Variants in ARHGAP8 observed in about 807,000 individuals in gnomAD.
The protein encoded by ARHGAP8 is Rho GTPase activating protein 8, also known as rho GTPase-activating protein 8.
In ARHGAP8, 62 loss-of-function variants were observed where a neutral mutation model predicts 46.1. The observed-to-expected ratio is 1.34, with a 90% CI of 1.10 to 1.66. The LOEUF (loss-of-function observed/expected upper bound fraction) is 1.66. ARHGAP8 is among the 40% of genes most tolerant of loss of function. The probability of loss-of-function intolerance (pLI) is 0.00; values close to 1 mark genes in which losing one functional copy is unlikely to be tolerated. For synonymous variants in ARHGAP8, 375 were observed against 243.1 expected (o/e 1.54, Z -5.05); for missense variants, 923 against 568.4 (o/e 1.62, Z -6.34).
At chr22:44,820,201 G>C (rs945674621) in intron 5 of ARHGAP8, among the ~76,000 whole-genome samples, 39 of 152,222 alleles carry the variant, frequency 2.6e-4, no homozygotes. Flanking sequence ...GAGCTGGCCT[G>C]TGGGCCCTTT....
intron 4 of ARHGAP8, chr22:44,809,583 G>T: frequency 5.0e-6 from 1 of 199,574 alleles, no homozygotes; most frequent in Non-Finnish European, 1.0e-5. Flanking sequence ...CAGCTTGTGT[G>T]TGGTAGGGCA....
chr22:44,857,715 G>A (rs1046805926), intron 10 of ARHGAP8, among the ~76,000 whole-genome samples: 6 of 152,182 alleles, frequency 3.9e-5, no homozygotes, highest in African/African-American at 1.4e-4. Flanking sequence ...CTCCAGAGGA[G>A]AAAGGGGAGG....
chr22:44,798,143 A>T (rs867447986), intron 2 of ARHGAP8, among the ~76,000 whole-genome samples: 1 of 151,170 alleles, frequency 6.6e-6, no homozygotes, highest in Non-Finnish European at 1.5e-5. Context: ...CACCCAGCTA[A>T]TTTTTTATTT....
chr22:44,805,300 GGAGT>G (rs1928850647), intron 3 of ARHGAP8, among the ~76,000 whole-genome samples: 1 of 152,332 alleles, frequency 6.6e-6, no homozygotes, highest in South Asian at 2.1e-4. Context: ...CCGGGTACCG[GGAGT>G]GTGATGGGGA....
intron 4 of ARHGAP8, chr22:44,809,225 G>A (rs1307611008): frequency 4.3e-6 from 2 of 461,574 alleles, no homozygotes. Context: ...AAACATTATG[G>A]ACGCTGAAAT....
At chr22:44,776,797 C>T (rs944015510) in intron 1 of ARHGAP8, among the ~76,000 whole-genome samples, 9 of 152,090 alleles carry the variant, frequency 5.9e-5, no homozygotes, top group African/African-American at 1.7e-4. Context: ...GGCCTGGTGG[C>T]GGGGGTAGGG....
intron 7 of ARHGAP8, among the ~76,000 whole-genome samples, chr22:44,828,817 G>A (rs921252059): frequency 7.2e-5 from 11 of 152,032 alleles, no homozygotes; most frequent in Non-Finnish European, 1.5e-4. Flanking sequence ...TCTCCAGCCC[G>A]TTACTGGGGC....
At chr22:44,783,946 C>A (rs1020506983) in intron 1 of ARHGAP8, among the ~76,000 whole-genome samples, 14 of 152,134 alleles carry the variant, frequency 9.2e-5, no homozygotes, top group Non-Finnish European at 1.8e-4. Flanking sequence ...CTTGTAAGGA[C>A]CCCCTGCAAT....
chr22:44,821,168 A>C (rs1374781342), intron 5 of ARHGAP8, among the ~76,000 whole-genome samples: 1 of 152,216 alleles, frequency 6.6e-6, no homozygotes, highest in Admixed American at 6.5e-5. Context: ...ACGGTGGCTC[A>C]TGCCTGTAAT....
intron 11 of ARHGAP8, 21 bp from the exon 12 acceptor site, chr22:44,862,254 C>CTTGT: frequency 1.3e-6 from 2 of 1,562,902 alleles, no homozygotes; most frequent in Non-Finnish European, 1.7e-6. Context: ...CTCCCCTTTA[C>CTTGT]TTGTGTGTGG....
chr22:44,847,101 A>T (rs887382952), intron 8 of ARHGAP8, among the ~76,000 whole-genome samples: 3 of 152,264 alleles, frequency 2.0e-5, no homozygotes, highest in Middle Eastern at 6.8e-3. Context: ...GCACCTCCAG[A>T]TGCCTGCGCC....
intron 5 of ARHGAP8, among the ~76,000 whole-genome samples, chr22:44,821,351 C>T (rs1367976347): frequency 6.6e-6 from 1 of 151,918 alleles, no homozygotes; most frequent in African/African-American, 2.4e-5. Context: ...ATCACTTGAA[C>T]CCAGGAGGCG....
chr22:44,814,536 G>A (rs1408457013), intron 4 of ARHGAP8, 136 bp from the exon 5 acceptor site: 12 of 715,940 alleles, frequency 1.7e-5, no homozygotes, highest in Middle Eastern at 2.4e-4. Flanking sequence ...TTCTTTGTTT[G>A]ATGTCCTTAA....
At chr22:44,830,291 T>C (rs953054906) in intron 7 of ARHGAP8, among the ~76,000 whole-genome samples, 26 of 152,052 alleles carry the variant, frequency 1.7e-4, no homozygotes, top group Non-Finnish European at 3.8e-4. Flanking sequence ...CCCAAAGTGC[T>C]GTGATTACAG....
chr22:44,851,411 ATTTATTTATTTAATTT>A (rs2070090607), intron 10 of ARHGAP8, among the ~76,000 whole-genome samples: 1 of 151,950 alleles, frequency 6.6e-6, no homozygotes, highest in South Asian at 2.1e-4. Context: ...TTATTTATTT[ATTTATTTATTTAATTT>A]TTGAGACAGT....
chr22:44,808,375 T>C lies in ARHGAP8; in HGVS notation c.236T>C (p.Leu79Pro). ...DYTIVYFHYG[L>P]NSRNKPSLGW... ...ACCATCGTCTATTTCCACTACGGGC[T>C]GAACAGCCGGAACAAGCCTTCCCTG... Residue 79 changes from leucine (L) to proline (P), a missense_variant, in exon 4 of 12, where the codon CTG becomes CCG. Leu to Pro is a moderately conservative substitution (Grantham distance 98). Coordinates refer to ENST00000356099, the MANE Select transcript of ARHGAP8 (RefSeq NM_181335.3). 1 of 1,614,270 alleles carries C rather than the reference T, an allele frequency of 6.2e-7. No homozygotes were observed. The highest frequency in any genetic ancestry group is 2.2e-5 in the East Asian group (1 of 44,888).
At chr22:44,835,197 T>C (rs1931199785) in intron 7 of ARHGAP8, among the ~76,000 whole-genome samples, 1 of 151,282 alleles carries the variant, frequency 6.6e-6, no homozygotes, top group South Asian at 2.1e-4. Flanking sequence ...ATACATACTT[T>C]CTAGTGTACT....
rs750814627 is a variant in ARHGAP8, at chr22:44,862,418, G to A, written c.1125G>A (p.Glu375=). The A allele has an allele frequency of 6.2e-6, 10 of 1,614,126 alleles. No individual in the cohort carries two copies. The highest frequency in any genetic ancestry group is 1.1e-5 in the South Asian group (1 of 91,076). ...PLNMFTELLI[E]YYEKIFSTPE... is the part of the protein sequence containing the mutation. ...ACATGTTCACTGAACTGCTGATCGA[G>A]TACTATGAAAAGATCTTCAGCACCC... The change falls in exon 12 of 12, where the codon GAG becomes GAA. Residue 375 remains glutamate (E), a synonymous_variant. Coordinates refer to ENST00000356099, the MANE Select transcript of ARHGAP8 (RefSeq NM_181335.3).
rs562585206 is a variant in ARHGAP8 at position 44,806,736 on chromosome 22, C to T, written c.168-1571C>T. ...TTGGGAGGCCGAGGCGGGTGGATCA[C>T]GAGGTCAGAAGATCAAGACCATCCT... On this transcript the variant is annotated intron_variant, in intron 3 of 11. Coordinates refer to ENST00000356099, the MANE Select transcript of ARHGAP8 (RefSeq NM_181335.3). 2.0e-4 allele frequency among the ~76,000 whole-genome samples: 30 copies of T among 152,004 alleles called. 1 individual carries two copies. The East Asian group carries it at 5.2e-3, about 27-fold the overall frequency.
Sources: gnomAD v4.1 joint callset for allele counts (sites outside exome capture counted in the v4.1 genomes callset) on GRCh38, gnomAD v4.1.1 for gene constraint, MANE v1.5 for transcripts, NCBI Gene and HGNC (gene_info 2026-07-23, HGNC 2026-07-21) for gene names.